Variants in PIEZO2 observed in about 807,000 individuals in gnomAD.
PIEZO2 encodes piezo type mechanosensitive ion channel component 2.
PIEZO2 carries 172 observed loss-of-function variants against 337.3 expected under a neutral mutation model. That is an observed-to-expected ratio of 0.51 (90% confidence interval 0.45 to 0.58). The LOEUF (loss-of-function observed/expected upper bound fraction) is 0.58. Ranked by LOEUF, PIEZO2 falls within the 20% of genes least tolerant of loss-of-function variation. The probability of loss-of-function intolerance (pLI) is 0.00; values close to 1 mark genes in which losing one functional copy is unlikely to be tolerated. For synonymous variants in PIEZO2, 1,251 were observed against 1,228.5 expected (o/e 1.02, Z -0.38); for missense variants, 3,028 against 3,391.3 (o/e 0.89, Z 2.66).
Position 10,895,033 on chromosome 18 carries a change from A to G in PIEZO2, c.329+16153T>C, listed in dbSNP as rs949576776. On this transcript the variant is annotated intron_variant, in intron 4 of 55. Coordinates refer to ENST00000674853, the MANE Select transcript of PIEZO2 (RefSeq NM_001378183.1). This position sits in a 1 kb window ranked among gnomAD's most constrained non-coding sequence, Gnocchi z 4.8. ...ATGAAGAATTTGCCCGTGCTCTTGC[A>G]TGGTCATTCCTCCCCCTGAAGCCTC... is the stretch of plus-strand genomic sequence containing the variant. 6.6e-6 allele frequency among the ~76,000 whole-genome samples: 1 copy of G among 152,232 alleles called. No individual in the cohort carries two copies. The highest frequency in any genetic ancestry group is 1.5e-5 in the Non-Finnish European group (1 of 68,038).
intron 2 of PIEZO2, among the ~76,000 whole-genome samples, chr18:11,037,486 TCA>T (rs1472035495): frequency 6.6e-6 from 1 of 152,192 alleles, no homozygotes. Context: ...TCAACACAAT[TCA>T]CACTTATTTT....
intron 2 of PIEZO2, among the ~76,000 whole-genome samples, chr18:10,990,900 T>C (rs1278311275): frequency 6.6e-6 from 1 of 152,048 alleles, no homozygotes; most frequent in Non-Finnish European, 1.5e-5. Flanking sequence ...TAGATAAAGT[T>C]GACAATATTT....
At chr18:10,927,821 T>C (rs954954100) in intron 3 of PIEZO2, among the ~76,000 whole-genome samples, 1 of 152,180 alleles carries the variant, frequency 6.6e-6, no homozygotes, top group Admixed American at 6.5e-5. Flanking sequence ...TAAGCTTTTC[T>C]GGGGTTGATA....
At chr18:10,749,029 CA>C (rs1276517889) in intron 29 of PIEZO2, among the ~76,000 whole-genome samples, 2 of 151,956 alleles carry the variant, frequency 1.3e-5, no homozygotes, top group African/African-American at 2.4e-5. Flanking sequence ...GGGTAACCAG[CA>C]GAATAATGAG....
rs2143715827 is a variant in PIEZO2, at chr18:10,699,197, G to C, written c.6442-20C>G. The C allele has an allele frequency of 6.5e-7, 1 of 1,537,008 alleles. No homozygotes were observed. The highest frequency in any genetic ancestry group is 8.7e-7 in the Non-Finnish European group (1 of 1,146,846). On this transcript the variant is annotated intron_variant, in intron 43 of 55. Coordinates refer to ENST00000674853, the MANE Select transcript of PIEZO2 (RefSeq NM_001378183.1). Reference sequence around the variant, plus strand: ...ATGGCACTGAGAAAGCAGGGACAGGGACAAATGAGGCTACTGTTTCAGGTG... The same window carrying C: ...ATGGCACTGAGAAAGCAGGGACAGGCACAAATGAGGCTACTGTTTCAGGTG...
chr18:10,787,280 C>G (rs571892908), intron 15 of PIEZO2, 96 bp from the exon 16 acceptor site: 151 of 1,145,630 alleles, frequency 1.3e-4, no homozygotes, highest in Middle Eastern at 6.0e-4. Context: ...ACAAGTGATA[C>G]ATTTACAAGT....
chr18:10,800,618 A>G (rs2039778085), intron 10 of PIEZO2, 143 bp from the exon 11 acceptor site: 1 of 985,832 alleles, frequency 1.0e-6, no homozygotes, highest in African/African-American at 1.7e-5. Flanking sequence ...TTGCCCAAAT[A>G]TTTTAGTAAG....
In PIEZO2 at chr18:10,789,241, C is replaced by T. The variant is rs1469103674; in HGVS notation, c.2007G>A (p.Gln669=). The T allele has an allele frequency of 4.6e-6, 7 of 1,537,266 alleles. No homozygotes were observed. In the East Asian group the frequency reaches 1.7e-4, roughly 38 times the overall value. ...EQEEAEEEDE[Q]DIMKVLGNLV... is the part of the protein sequence containing the mutation. ...GATTGCCCAGGACTTTCATGATGTC[C>T]TGCTCATCTTCTTCTTCAGCTTCCT... The change falls in exon 15 of 56, where the codon CAG becomes CAA. Residue 669 remains glutamine, a synonymous_variant. Coordinates refer to ENST00000674853, the MANE Select transcript of PIEZO2 (RefSeq NM_001378183.1).
At chr18:10,704,261 G>T in intron 42 of PIEZO2, 133 bp downstream of exon 42, 1 of 1,192,810 alleles carries the variant, frequency 8.4e-7, no homozygotes, top group Non-Finnish European at 1.1e-6. Flanking sequence ...AATGTCTGTG[G>T]AACTGCATGT....
chr18:10,682,471 T>G lies in PIEZO2; in HGVS notation c.7498-179A>C, dbSNP rs1032760836. On this transcript the variant is annotated intron_variant, in intron 49 of 55. Transcript: ENST00000674853. The surrounding 1 kb of genome is among the most constrained non-coding windows in gnomAD (Gnocchi z 5.6). ...CCTTGTCCCAATCTCGAAATGAAGT[T>G]AGGTAGTGATGTGAAGCTGTCCTGA... Among the ~76,000 whole-genome samples the G allele has an allele frequency of 6.6e-6, 1 of 152,100 alleles. No homozygotes were observed. Among genetic ancestry groups the G allele is most frequent in the South Asian group, 2.1e-4 (1 of 4,822 alleles).
At chr18:11,144,017 A>C (rs1226656416) in intron 1 of PIEZO2, among the ~76,000 whole-genome samples, 1 of 152,220 alleles carries the variant, frequency 6.6e-6, no homozygotes, top group Admixed American at 6.5e-5. Flanking sequence ...ACAATCATAC[A>C]GTGAAGGGCA....
Position 10,954,025 on chromosome 18 carries a change from T to C in PIEZO2, c.286+25510A>G, listed in dbSNP as rs946678557. ...AAAGCAGGGAACTCACAATATGGCC[T>C]TTAGGGTCCCTTGAGGCTTAAAAAT... On this transcript the variant is annotated intron_variant, in intron 3 of 55. Coordinates refer to ENST00000674853, the MANE Select transcript of PIEZO2 (RefSeq NM_001378183.1). This position sits in a 1 kb window ranked among gnomAD's most constrained non-coding sequence, Gnocchi z 4.2. Among the ~76,000 whole-genome samples the C allele has an allele frequency of 1.3e-5, 2 of 152,230 alleles. No individual in the cohort carries two copies. The highest frequency in any genetic ancestry group is 6.5e-5 in the Admixed American group (1 of 15,272).
chr18:10,710,979 A>T (rs1200436426), intron 39 of PIEZO2, among the ~76,000 whole-genome samples: 3 of 152,218 alleles, frequency 2.0e-5, no homozygotes, highest in East Asian at 3.8e-4. Context: ...AAATACATTA[A>T]AACCTAATTC....
chr18:10,817,933 A>T (rs1452981542), intron 7 of PIEZO2, among the ~76,000 whole-genome samples: 1 of 152,094 alleles, frequency 6.6e-6, no homozygotes, highest in African/African-American at 2.4e-5. Flanking sequence ...AAAAAAAAAA[A>T]AAAAAGTAGG....
At position 10,979,294 on chromosome 18, in the gene PIEZO2, A is replaced by T. The variant is rs1370980424; in HGVS notation, c.286+241T>A. Among the ~76,000 whole-genome samples, 1 of 151,938 alleles carries T rather than the reference A, an allele frequency of 6.6e-6. No homozygotes were observed. The highest frequency in any genetic ancestry group is 1.5e-5 in the Non-Finnish European group (1 of 67,994). Reference sequence around the variant, plus strand: ...CAATGAAAATGTCTTACATGCAGATAGGAGGTGATCTCCAATACATGCTGA... The same window carrying T: ...CAATGAAAATGTCTTACATGCAGATTGGAGGTGATCTCCAATACATGCTGA... On this transcript the variant is annotated intron_variant, in intron 3 of 55. Transcript: ENST00000674853. The surrounding 1 kb of genome is among the most constrained non-coding windows in gnomAD (Gnocchi z 4.0).
At chr18:11,122,957 G>T (rs1220557590) in intron 1 of PIEZO2, among the ~76,000 whole-genome samples, 1 of 150,048 alleles carries the variant, frequency 6.7e-6, no homozygotes, top group African/African-American at 2.4e-5. Flanking sequence ...TGATAGCATT[G>T]ATATATATGT....
At chr18:11,011,749 A>T (rs921004710) in intron 2 of PIEZO2, among the ~76,000 whole-genome samples, 2 of 152,246 alleles carry the variant, frequency 1.3e-5, no homozygotes, top group African/African-American at 2.4e-5. Context: ...CCAAAAAGGC[A>T]GAGCTGCCCC....
intron 7 of PIEZO2, among the ~76,000 whole-genome samples, chr18:10,816,874 T>A (rs1286252541): frequency 6.6e-6 from 1 of 152,208 alleles, no homozygotes; most frequent in Non-Finnish European, 1.5e-5. Context: ...ATGATTTATT[T>A]ATCTTTTCTC....
At chr18:10,898,762 G>A (rs1273282158) in intron 4 of PIEZO2, among the ~76,000 whole-genome samples, 1 of 152,216 alleles carries the variant, frequency 6.6e-6, no homozygotes, top group Non-Finnish European at 1.5e-5. Context: ...CAGGAAGTCT[G>A]TAGAAAGGAG....
Sources: gnomAD v4.1 joint callset for allele counts (sites outside exome capture counted in the v4.1 genomes callset) on GRCh38, gnomAD v4.1.1 for gene constraint, Gnocchi (gnomAD v3.1) non-coding constraint, MANE v1.5 for transcripts, NCBI Gene and HGNC (gene_info 2026-07-23, HGNC 2026-07-21) for gene names.